Variants in VAMP1 observed in about 807,000 individuals in gnomAD.
VAMP1 encodes the protein vesicle-associated membrane protein 1.
In VAMP1, 16 loss-of-function variants were observed where a neutral mutation model predicts 19.1. That is an observed-to-expected ratio of 0.84 (90% CI 0.57 to 1.27). The LOEUF is 1.27. Ranked by LOEUF, VAMP1 falls within the 50% of genes most tolerant of loss-of-function variation. The probability of loss-of-function intolerance (pLI) is 0.00; values close to 1 mark genes in which losing one functional copy is unlikely to be tolerated. For missense variants in VAMP1, 109 were observed against 145.4 expected (o/e 0.75, Z 1.29); for synonymous variants, 37 against 50.2 (o/e 0.74, Z 1.11).
In VAMP1 at chr12:6,462,506, G is replaced by T; in HGVS notation, c.*1964C>A. ...TTGTTGCACATTTGCTCATGCACAT[G>T]GGTGGTGGGAGGAAAGGGGGATAGC... is the stretch of plus-strand genomic sequence containing the variant. On this transcript the variant is annotated 3_prime_UTR_variant, in exon 5 of 5. Coordinates refer to ENST00000396308, the MANE Select transcript of VAMP1 (RefSeq NM_014231.5). 1 of 499,070 alleles carries T rather than the reference G, an allele frequency of 2.0e-6. No homozygotes were observed. The highest frequency in any genetic ancestry group is 3.6e-6 in the Non-Finnish European group (1 of 281,270). 30.9% of individuals were successfully genotyped at this position (499,070 alleles called of 1,614,324 possible). A position where few individuals can be genotyped will look rare whatever the true frequency, so the allele number is the denominator to read the frequency against.
rs1949899054 is a variant in VAMP1 at position 6,462,427 on chromosome 12, CGAA to C, written c.*2040_*2042del. On this transcript the variant is annotated 3_prime_UTR_variant, in exon 5 of 5. Coordinates refer to ENST00000396308, the MANE Select transcript of VAMP1 (RefSeq NM_014231.5). ...AACCCCACATCGTCTCATGGCAAAC[CGAA>C]GAACGGGATGTGGGAAGCTCAGCTT... 2.1e-6 allele frequency: 1 copy of C among 486,900 alleles called. No individual in the cohort carries two copies. The highest frequency in any genetic ancestry group is 3.7e-6 in the Non-Finnish European group (1 of 273,658). The allele number at this position is 486,900 out of a possible 1,614,324, so 30.2% of individuals were successfully genotyped here.
At position 6,463,052 on chromosome 12, in the gene VAMP1, C is replaced by T; in HGVS notation, c.*1418G>A. The stretch of plus-strand genomic sequence containing the variant: ...CCCAGCCTGCCCTCCTCCCCTTGCA[C>T]CTGGGCTTATCCCACATTAATAGCC... On this transcript the variant is annotated 3_prime_UTR_variant, in exon 5 of 5. Coordinates refer to ENST00000396308, the MANE Select transcript of VAMP1 (RefSeq NM_014231.5). This position sits in a 1 kb window ranked among gnomAD's most constrained non-coding sequence, Gnocchi z 4.0. The T allele has an allele frequency of 1.3e-6, 2 of 1,541,878 alleles. No homozygotes were observed. The highest frequency in any genetic ancestry group is 2.0e-5 in the Admixed American group (1 of 50,952).
chr12:6,470,472 G>C, intron 1 of VAMP1, 58 bp downstream of exon 1: 3 of 1,612,796 alleles, frequency 1.9e-6, no homozygotes, highest in Non-Finnish European at 2.5e-6. Context: ...GCAGAATCGG[G>C]AGCTTGGGGC....
At position 6,470,641 on chromosome 12, in the gene VAMP1, C is replaced by T. The variant is rs938545914; in HGVS notation, c.-110G>A. ...CGGAACTGCCAAGCTCCGCCTCGCG[C>T]CGACTACCCCGCGGTCTAGCTGCGC... On this transcript the variant is annotated 5_prime_UTR_variant, in exon 1 of 5. Transcript: ENST00000396308. 2.3e-5 allele frequency: 34 copies of T among 1,456,276 alleles called. No individual in the cohort carries two copies. The highest frequency in any genetic ancestry group is 4.2e-5 in the African/African-American group (3 of 71,400). The allele number at this position is 1,456,276 out of a possible 1,614,324, so 90.2% of individuals were successfully genotyped here. A position where few individuals can be genotyped will look rare whatever the true frequency, so the allele number is the denominator to read the frequency against.
rs1949893302 is a variant in VAMP1 at position 6,462,324 on chromosome 12, T to TCCACCAAA, written c.*2145_*2146insTTTGGTGG. On this transcript the variant is annotated 3_prime_UTR_variant, in exon 5 of 5. Transcript: ENST00000396308. ...CACATGCCTTTGGTGGAAGTACAAC[T>TCCACCAAA]GTTGTTATTACTCTATACAAGTATG... 1.7e-6 allele frequency: 1 copy of TCCACCAAA among 587,108 alleles called. No individual in the cohort carries two copies. Among genetic ancestry groups the TCCACCAAA allele is most frequent in the Admixed American group, 3.1e-5 (1 of 32,594 alleles). The allele number at this position is 587,108 out of a possible 1,614,324, so 36.4% of individuals were successfully genotyped here. A position where few individuals can be genotyped will look rare whatever the true frequency, so the allele number is the denominator to read the frequency against.
In VAMP1 at chr12:6,463,524, T is replaced by C; in HGVS notation, c.*946A>G. The C allele has an allele frequency of 9.5e-7, 1 of 1,048,278 alleles. No individual in the cohort carries two copies. The highest frequency in any genetic ancestry group is 1.2e-6 in the Non-Finnish European group (1 of 867,280). The allele number at this position is 1,048,278 out of a possible 1,614,324, so 64.9% of individuals were successfully genotyped here. A position where few individuals can be genotyped will look rare whatever the true frequency, so the allele number is the denominator to read the frequency against. On this transcript the variant is annotated 3_prime_UTR_variant, in exon 5 of 5. Transcript: ENST00000396308. The surrounding 1 kb of genome is among the most constrained non-coding windows in gnomAD (Gnocchi z 4.0). The stretch of plus-strand genomic sequence containing the variant: ...CAACAGGAAGAGAGGAACAGGACCC[T>C]CTTTAACGAGGGCAAGGAGTGGCTT...
Position 6,465,722 on chromosome 12 carries a change from G to A in VAMP1, c.288+120C>T, listed in dbSNP as rs1024015720. The A allele has an allele frequency of 1.4e-5, 19 of 1,359,562 alleles. No homozygotes were observed. The African/African-American group carries it at 1.6e-4, about 11-fold the overall frequency. 84.2% of individuals were successfully genotyped at this position (1,359,562 alleles called of 1,614,324 possible). A position where few individuals can be genotyped will look rare whatever the true frequency, so the allele number is the denominator to read the frequency against. ...AGGCTTTCCAGATTTCCTCCCAAGC[G>A]TTATGCTGGTCAGAGAGATCCTGCA... On this transcript the variant is annotated intron_variant, in intron 3 of 4. Transcript: ENST00000396308.
At chr12:6,469,029 G>C (rs1001716393) in intron 1 of VAMP1, among the ~76,000 whole-genome samples, 2 of 152,168 alleles carry the variant, frequency 1.3e-5, no homozygotes, top group Admixed American at 6.5e-5. Flanking sequence ...CATTCTCCTT[G>C]ATTAAGTGAA....
rs148584261 is a variant in VAMP1 at position 6,470,657 on chromosome 12, C to T, written c.-126G>A. The T allele has an allele frequency of 1.6e-6, 2 of 1,279,900 alleles. No individual in the cohort carries two copies. The highest frequency in any genetic ancestry group is 2.2e-6 in the Non-Finnish European group (2 of 898,708). 79.3% of individuals were successfully genotyped at this position (1,279,900 alleles called of 1,614,324 possible). On this transcript the variant is annotated 5_prime_UTR_variant, in exon 1 of 5. Coordinates refer to ENST00000396308, the MANE Select transcript of VAMP1 (RefSeq NM_014231.5). ...CGCCTCGCGCCGACTACCCCGCGGT[C>T]TAGCTGCGCTGGAACTTACTGCAGC...
chr12:6,462,353 T>C lies in VAMP1; in HGVS notation c.*2117A>G, dbSNP rs927277424. 2.8e-5 allele frequency: 15 copies of C among 528,448 alleles called. No homozygotes were observed. The highest frequency in any genetic ancestry group is 2.7e-4 in the African/African-American group (14 of 52,318). The allele number at this position is 528,448 out of a possible 1,614,324, so 32.7% of individuals were successfully genotyped here. ...GTTATTACTCTATACAAGTATGAGA[T>C]CAGGGTTAGGAAAAAAAGACAAAGA... On this transcript the variant is annotated 3_prime_UTR_variant, in exon 5 of 5. Coordinates refer to ENST00000396308, the MANE Select transcript of VAMP1 (RefSeq NM_014231.5).
intron 4 of VAMP1, 128 bp downstream of exon 4, chr12:6,464,762 G>C: frequency 1.3e-6 from 2 of 1,535,288 alleles, no homozygotes; most frequent in Non-Finnish European, 1.7e-6. Flanking sequence ...ACCAGGTGAC[G>C]ATCCCATAGC....
intron 1 of VAMP1, among the ~76,000 whole-genome samples, chr12:6,470,160 G>C (rs1254988261): frequency 6.6e-6 from 1 of 152,168 alleles, no homozygotes; most frequent in African/African-American, 2.4e-5. Context: ...TAGTGATTTA[G>C]CCAGATGACA....
intron 1 of VAMP1, among the ~76,000 whole-genome samples, chr12:6,469,072 C>A (rs1035026872): frequency 1.3e-5 from 2 of 152,210 alleles, no homozygotes; most frequent in Admixed American, 6.5e-5. Flanking sequence ...GAGAATAACT[C>A]CTCAGAGAGG....
At chr12:6,466,576 A>C in intron 1 of VAMP1, 2 of 414,380 alleles carry the variant, frequency 4.8e-6, no homozygotes, top group East Asian at 4.8e-5. Context: ...CACTTAAACA[A>C]TTATGATTAG....
At position 6,464,373 on chromosome 12, in the gene VAMP1, G is replaced by C; in HGVS notation, c.*97C>G. The C allele has an allele frequency of 3.9e-6, 6 of 1,552,238 alleles. No homozygotes were observed. The highest frequency in any genetic ancestry group is 5.2e-6 in the Non-Finnish European group (6 of 1,147,278). ...TGATGGAGAAGCCTGGGCTGGAATG[G>C]AGGACGGTGGGTGGGGAAGTGTGTT... On this transcript the variant is annotated 3_prime_UTR_variant, in exon 5 of 5. Transcript: ENST00000396308.
chr12:6,469,938 A>T (rs1170554778), intron 1 of VAMP1, among the ~76,000 whole-genome samples: 1 of 152,204 alleles, frequency 6.6e-6, no homozygotes, highest in South Asian at 2.1e-4. Context: ...GCTTGGGATG[A>T]CAGGCCACTA....
rs1184210148 is a variant in VAMP1, at chr12:6,470,567, C to T, written c.-36G>A. 1.2e-6 allele frequency: 2 copies of T among 1,613,602 alleles called. No individual in the cohort carries two copies. Among genetic ancestry groups the T allele is most frequent in the Non-Finnish European group, 1.7e-6 (2 of 1,179,750 alleles). The stretch of plus-strand genomic sequence containing the variant: ...GAGAGAGTGAGGGTCTGTTCCTCTC[C>T]GGAGGCTGCGGCGAGACACCCGGTG... On this transcript the variant is annotated 5_prime_UTR_variant, in exon 1 of 5. Coordinates refer to ENST00000396308, the MANE Select transcript of VAMP1 (RefSeq NM_014231.5).
intron 4 of VAMP1, 167 bp downstream of exon 4, chr12:6,464,722 TC>T: frequency 6.6e-7 from 1 of 1,511,038 alleles, no homozygotes; most frequent in Non-Finnish European, 8.8e-7. Context: ...ATCAAAGAAA[TC>T]CCTTGTCTCT....
intron 1 of VAMP1, 111 bp from the exon 2 acceptor site, chr12:6,466,462 C>T (rs374547782): frequency 1.6e-6 from 2 of 1,262,696 alleles, no homozygotes; most frequent in Admixed American, 2.7e-5. Context: ...GTGGGAGGAG[C>T]GCTTGAGCCC....
Sources: allele counts gnomAD v4.1 joint callset (sites outside exome capture counted in the v4.1 genomes callset), GRCh38; gene constraint gnomAD v4.1.1; non-coding constraint Gnocchi (gnomAD v3.1); transcripts MANE v1.5; gene names NCBI Gene and HGNC (gene_info 2026-07-23, HGNC 2026-07-21).